TENM3: variants seen among roughly 807,000 people sequenced by gnomAD.
TENM3 encodes teneurin transmembrane protein 3, also known as teneurin-3.
In TENM3, 63 loss-of-function variants were observed where a neutral mutation model predicts 255.1. That is an observed-to-expected ratio of 0.25 (90% CI 0.20 to 0.30). The LOEUF (loss-of-function observed/expected upper bound fraction) is 0.30, where lower values mean the gene tolerates loss of function less well. TENM3 is among the 10% of genes least tolerant of loss of function. TENM3 has a pLI of 1.00. For missense variants in TENM3, 2,929 were observed against 3,461.1 expected, an observed-to-expected ratio of 0.85 and a Z score of 3.86; for synonymous variants, 1,306 against 1,322.3, an observed-to-expected ratio of 0.99 and a Z score of 0.27.
chr4:181,480,833 T>G, the TENM3 span, among the ~76,000 whole-genome samples: 1 of 149,458 alleles, frequency 6.7e-6, no homozygotes, highest in Non-Finnish European at 1.5e-5. Context: ...ATATTAATAG[T>G]TACATATATG....
At chr4:182,023,989 A>C in the TENM3 span, among the ~76,000 whole-genome samples, 2 of 152,190 alleles carry the variant, frequency 1.3e-5, no homozygotes, top group Non-Finnish European at 2.9e-5. Flanking sequence ...TTTTAGTGTC[A>C]AGCTATTTCA....
At chr4:182,492,386 T>C (rs573331853) in intron 3 of TENM3, among the ~76,000 whole-genome samples, 2 of 152,286 alleles carry the variant, frequency 1.3e-5, no homozygotes, top group South Asian at 4.1e-4. Context: ...GACACAATAA[T>C]CCATAATTTA....
chr4:182,474,699 A>G (rs1158238062), intron 3 of TENM3, among the ~76,000 whole-genome samples: 1 of 152,166 alleles, frequency 6.6e-6, no homozygotes, highest in East Asian at 1.9e-4. Flanking sequence ...TGCTTTATTG[A>G]CACATAGAGT....
At chr4:182,373,372 A>C (rs2150872202) in intron 3 of TENM3, among the ~76,000 whole-genome samples, 1 of 152,226 alleles carries the variant, frequency 6.6e-6, no homozygotes, top group African/African-American at 2.4e-5. Context: ...ATAACGAAAG[A>C]GGTTTATTTG....
At chr4:181,577,871 T>A in the TENM3 span, among the ~76,000 whole-genome samples, 1 of 152,218 alleles carries the variant, frequency 6.6e-6, no homozygotes, top group Non-Finnish European at 1.5e-5. Flanking sequence ...TCTAACTTTT[T>A]AAAATTGTCT....
chr4:182,492,443 T>G (rs1580731705), intron 3 of TENM3, among the ~76,000 whole-genome samples: 1 of 152,218 alleles, frequency 6.6e-6, no homozygotes, highest in African/African-American at 2.4e-5. Flanking sequence ...TAACTAATTA[T>G]GATGCTACAT....
intron 3 of TENM3, among the ~76,000 whole-genome samples, chr4:182,375,629 C>A (rs574486804): frequency 8.5e-5 from 13 of 152,274 alleles, no homozygotes; most frequent in Non-Finnish European, 1.3e-4. Flanking sequence ...GCAGCCTACA[C>A]CTCCCAGGTT....
the TENM3 span, among the ~76,000 whole-genome samples, chr4:181,631,596 C>T: frequency 6.6e-6 from 1 of 152,136 alleles, no homozygotes; most frequent in Non-Finnish European, 1.5e-5. Context: ...AGCCCTGGCC[C>T]AGTTCTTTTT....
At chr4:181,885,536 C>T in the TENM3 span, among the ~76,000 whole-genome samples, 2 of 152,230 alleles carry the variant, frequency 1.3e-5, no homozygotes, top group South Asian at 4.1e-4. Context: ...GCTGGAATTA[C>T]AGGGGTGAGC....
intron 3 of TENM3, among the ~76,000 whole-genome samples, chr4:182,385,532 T>A (rs1348081519): frequency 1.3e-5 from 2 of 152,190 alleles, no homozygotes; most frequent in Non-Finnish European, 2.9e-5. Context: ...CCCAAAGTGC[T>A]GGGATTATAG....
At chr4:181,821,584 CAAG>C in the TENM3 span, 1 of 152,130 alleles carries the variant, frequency 6.6e-6, no homozygotes, top group African/African-American at 2.4e-5. Context: ...CTGTATTTGC[CAAG>C]AAGTCTGCCT....
chr4:181,941,758 G>C, the TENM3 span, among the ~76,000 whole-genome samples: 1 of 152,088 alleles, frequency 6.6e-6, no homozygotes, highest in Admixed American at 6.6e-5. Context: ...TATCCCTTGT[G>C]CCTGGGTTAT....
chr4:182,351,827 A>G (rs1442550470), intron 3 of TENM3, among the ~76,000 whole-genome samples: 1 of 152,150 alleles, frequency 6.6e-6, no homozygotes, highest in African/African-American at 2.4e-5. Flanking sequence ...TCCACGTTGT[A>G]AAACAGGGAC....
the TENM3 span, among the ~76,000 whole-genome samples, chr4:182,059,391 G>T: frequency 6.6e-6 from 1 of 151,964 alleles, no homozygotes; most frequent in African/African-American, 2.4e-5. Flanking sequence ...TTACCAAAAT[G>T]CACTTTCAAA....
intron 3 of TENM3, among the ~76,000 whole-genome samples, chr4:182,356,833 C>T (rs1181223925): frequency 1.3e-5 from 2 of 151,198 alleles, no homozygotes; most frequent in Non-Finnish European, 2.9e-5. Context: ...CGTCATCTAG[C>T]ATTAGGTATA....
chr4:182,606,210 T>A (rs770046154), intron 4 of TENM3, among the ~76,000 whole-genome samples: 2 of 152,158 alleles, frequency 1.3e-5, no homozygotes, highest in African/African-American at 4.8e-5. Context: ...AAGAGAACAC[T>A]TATCACAATA....
intron 1 of TENM3, among the ~76,000 whole-genome samples, chr4:182,159,697 G>T (rs377563679): frequency 6.6e-6 from 1 of 152,104 alleles, no homozygotes; most frequent in African/African-American, 2.4e-5. Context: ...CAAGGGGAAC[G>T]GGAGCTGAGA....
At chr4:182,235,666 C>G (rs1043683069) in intron 1 of TENM3, among the ~76,000 whole-genome samples, 1 of 151,978 alleles carries the variant, frequency 6.6e-6, no homozygotes, top group Non-Finnish European at 1.5e-5. Context: ...CACGACCACA[C>G]GGGAGCCATC....
At chr4:181,690,748 A>G in the TENM3 span, among the ~76,000 whole-genome samples, 1 of 152,182 alleles carries the variant, frequency 6.6e-6, no homozygotes, top group Non-Finnish European at 1.5e-5. Flanking sequence ...AGCTCTTATG[A>G]TTTAGGTGAC....
Sources: allele counts gnomAD v4.1 joint callset (sites outside exome capture counted in the v4.1 genomes callset), GRCh38; gene constraint gnomAD v4.1.1; transcripts MANE v1.5; gene names NCBI Gene and HGNC (gene_info 2026-07-23, HGNC 2026-07-21).